MYO1H: variants seen among roughly 807,000 people sequenced by gnomAD.
The protein encoded by MYO1H is unconventional myosin-Ih.
In MYO1H, 118 loss-of-function variants were observed where a neutral mutation model predicts 149.3. The ratio of observed to expected loss-of-function variants is 0.79; its 90% CI spans 0.68 to 0.92. The LOEUF is 0.92. Ranked by LOEUF, MYO1H falls within the 40% of genes least tolerant of loss-of-function variation. The pLI is 0.00. For missense variants in MYO1H, 1,212 were observed against 1,280.7 expected, an observed-to-expected ratio of 0.95 and a Z score of 0.82; for synonymous variants, 447 against 465.2, an observed-to-expected ratio of 0.96 and a Z score of 0.50.
chr12:109,350,952 C>T (rs544338261), intron 1 of MYO1H, among the ~76,000 whole-genome samples: 6 of 151,880 alleles, frequency 4.0e-5, no homozygotes, highest in East Asian at 1.9e-4. Context: ...TATACAGTTA[C>T]ATGCCATTTT....
intron 27 of MYO1H, 25 bp from the exon 28 acceptor site, chr12:109,443,489 T>TGGTGAAGTCACCTTCCCC (rs747558144): frequency 4.4e-6 from 7 of 1,608,850 alleles, no homozygotes; most frequent in Non-Finnish European, 6.0e-6. Flanking sequence ...CCACCTTCCC[T>TGGTGAAGTCACCTTCCCC]GGTGAAGTCA....
At chr12:109,327,739 CAAAAA>C in the MYO1H span, among the ~76,000 whole-genome samples, 5 of 85,648 alleles carry the variant, frequency 5.8e-5, no homozygotes, top group Admixed American at 1.4e-4. Context: ...AAAACTGTCT[CAAAAA>C]AAAAAAAAAA....
chr12:109,401,874 G>A (rs535727933), intron 6 of MYO1H, among the ~76,000 whole-genome samples: 1 of 152,032 alleles, frequency 6.6e-6, no homozygotes, highest in Admixed American at 6.6e-5. Flanking sequence ...CAAGTAGCTA[G>A]GACTACAGGC....
chr12:109,409,699 T>A, intron 11 of MYO1H, 75 bp downstream of exon 11: 1 of 1,195,296 alleles, frequency 8.4e-7, no homozygotes, highest in Non-Finnish European at 1.2e-6. Context: ...AATCTTTCGC[T>A]AATGTTACTA....
chr12:109,408,090 G>T, intron 10 of MYO1H, 177 bp downstream of exon 10: 1 of 754,726 alleles, frequency 1.3e-6, no homozygotes, highest in Admixed American at 2.5e-5. Flanking sequence ...CATGCCGAAT[G>T]ACTTATACAA....
Position 109,354,630 on chromosome 12 carries a change from A to AAAAAG in MYO1H, c.12+6672_12+6676dup, listed in dbSNP as rs1555247912. On this transcript the variant is annotated intron_variant, in intron 1 of 31. Transcript: ENST00000310903. ...GCGAGACTCTGTCTAAAAAAAAAAA[A>AAAAAG]AAAAGAAAAGAAAAGAAATCCCAGC... 6.2e-3 allele frequency among the ~76,000 whole-genome samples: 834 copies of AAAAAG among 133,626 alleles called. 10 individuals carry two copies. The highest frequency in any genetic ancestry group is 0.015 in the Middle Eastern group (4 of 268). 87.7% of individuals were successfully genotyped at this position (133,626 alleles called of 152,430 possible).
chr12:109,400,839 C>A (rs1870130928), intron 5 of MYO1H, among the ~76,000 whole-genome samples: 1 of 152,130 alleles, frequency 6.6e-6, no homozygotes, highest in Non-Finnish European at 1.5e-5. Context: ...AGTGAGGGAT[C>A]ATTATCCTAA....
At chr12:109,333,130 G>A in the MYO1H span, among the ~76,000 whole-genome samples, 1 of 152,236 alleles carries the variant, frequency 6.6e-6, no homozygotes, top group East Asian at 1.9e-4. Flanking sequence ...GACCAGCCTG[G>A]CCAACATGGT....
chr12:109,424,256 G>A (rs1180396925), intron 16 of MYO1H, among the ~76,000 whole-genome samples: 1 of 152,114 alleles, frequency 6.6e-6, no homozygotes, highest in African/African-American at 2.4e-5. Flanking sequence ...GACTTCGTGG[G>A]CTCAAGTGAT....
In MYO1H at chr12:109,440,927, G is replaced by A; in HGVS notation, c.2538+100G>A. On this transcript the variant is annotated intron_variant, in intron 25 of 31. Coordinates refer to ENST00000310903, the Ensembl canonical transcript of MYO1H. ...ATCCACCATTTCACCTATAAGCGGG[G>A]GTCATGCTAGTCCCATGCTTTGAAA... 3.5e-6 allele frequency: 3 copies of A among 845,926 alleles called. No individual in the cohort carries two copies. The South Asian group carries it at 4.6e-5, about 13-fold the overall frequency. The allele number at this position is 845,926 out of a possible 1,614,324, so 52.4% of individuals were successfully genotyped here.
chr12:109,355,509 C>T (rs1868568857), intron 1 of MYO1H, among the ~76,000 whole-genome samples: 1 of 151,954 alleles, frequency 6.6e-6, no homozygotes, highest in Non-Finnish European at 1.5e-5. Flanking sequence ...CTGGGATATA[C>T]CCTTATAGAA....
chr12:109,316,586 TA>T, the MYO1H span, among the ~76,000 whole-genome samples: 5 of 152,254 alleles, frequency 3.3e-5, no homozygotes, highest in African/African-American at 1.2e-4. Context: ...AAATTATACT[TA>T]AAAATCATTT....
chr12:109,323,818 C>T, the MYO1H span, among the ~76,000 whole-genome samples: 1 of 152,072 alleles, frequency 6.6e-6, no homozygotes, highest in Admixed American at 6.5e-5. Context: ...TAATAAACCA[C>T]CCCAAATTTA....
intron 30 of MYO1H, among the ~76,000 whole-genome samples, chr12:109,444,885 A>G (rs1872414092): frequency 6.6e-6 from 1 of 151,100 alleles, no homozygotes; most frequent in African/African-American, 2.4e-5. Flanking sequence ...AAAAAAAATT[A>G]CAGATCGGGG....
chr12:109,440,058 G>A (rs561310665), intron 24 of MYO1H, among the ~76,000 whole-genome samples: 6 of 148,640 alleles, frequency 4.0e-5, no homozygotes, highest in Non-Finnish European at 8.9e-5. Flanking sequence ...TTTTTGAGAT[G>A]GAGTCTTGCT....
intron 8 of MYO1H, 56 bp downstream of exon 8, chr12:109,406,091 C>T (rs1422136540): frequency 1.5e-5 from 20 of 1,310,636 alleles, no homozygotes; most frequent in East Asian, 7.0e-5. Flanking sequence ...GAGAGAAGAG[C>T]GAGGTAGCTG....
exon 5 of MYO1H, chr12:109,397,768 T>A: frequency 6.2e-7 from 1 of 1,612,516 alleles, no homozygotes; most frequent in Non-Finnish European, 8.5e-7. Context: ...GAATGACAAC[T>A]CCAGCAGATT....
intron 25 of MYO1H, 89 bp downstream of exon 25, chr12:109,440,916 C>T: frequency 1.0e-6 from 1 of 959,410 alleles, no homozygotes; most frequent in Non-Finnish European, 1.6e-6. Context: ...ACCATTTCAC[C>T]TATAAGCGGG....
the MYO1H span, among the ~76,000 whole-genome samples, chr12:109,327,764 A>G: frequency 6.6e-6 from 1 of 150,796 alleles, no homozygotes; most frequent in East Asian, 2.0e-4. Context: ...AAAAGAAAGA[A>G]AAAAAAGAAA....
Sources: allele counts gnomAD v4.1 joint callset (sites outside exome capture counted in the v4.1 genomes callset), GRCh38; gene constraint gnomAD v4.1.1; transcripts MANE v1.5; gene names NCBI Gene and HGNC (gene_info 2026-07-23, HGNC 2026-07-21).